Variants in ARHGEF12 observed in about 807,000 individuals in gnomAD.
The protein encoded by ARHGEF12 is KMT2A/ARHGEF12 fusion protein.
Under a neutral mutation model 211.2 loss-of-function variants are expected in ARHGEF12, and 66 were observed. The observed-to-expected ratio is 0.31, with a 90% CI of 0.26 to 0.38. ARHGEF12 has a LOEUF of 0.38. Ranked by LOEUF, ARHGEF12 falls within the 10% of genes least tolerant of loss-of-function variation. The probability of loss-of-function intolerance (pLI) is 1.00; values close to 1 mark genes in which losing one functional copy is unlikely to be tolerated. For missense variants in ARHGEF12, 1,429 were observed against 1,869.5 expected (o/e 0.76, Z 4.34); for synonymous variants, 592 against 638.4 (o/e 0.93, Z 1.09).
At position 120,441,766 on chromosome 11, in the gene ARHGEF12, T is replaced by C; in HGVS notation, c.1152T>C (p.His384=). The C allele has an allele frequency of 1.2e-6, 2 of 1,613,908 alleles. No individual in the cohort carries two copies. The highest frequency in any genetic ancestry group is 1.7e-6 in the Non-Finnish European group (2 of 1,179,828). ...AATTACTAAAATCTCGCCCGGCTCA[T>C]TTGGCTGTTTTCTTACACCATGTAG... ...SIELLKSRPA[H]LAVFLHHVVS... The change falls in exon 14 of 41, where the codon CAT becomes CAC. Residue 384 remains histidine, a synonymous_variant. Coordinates refer to ENST00000397843, the MANE Select transcript of ARHGEF12 (RefSeq NM_015313.3).
intron 22 of ARHGEF12, among the ~76,000 whole-genome samples, chr11:120,455,172 G>A (rs535387776): frequency 2.0e-4 from 30 of 152,162 alleles, no homozygotes; most frequent in Non-Finnish European, 3.5e-4. Context: ...TTCACAAAAA[G>A]TCAGCTGAGG....
chr11:120,353,769 G>T (rs117815506), intron 1 of ARHGEF12, among the ~76,000 whole-genome samples: 2 of 152,320 alleles, frequency 1.3e-5, no homozygotes, highest in African/African-American at 2.4e-5. Flanking sequence ...CTTTGTCCCA[G>T]ACTGCCCACA....
At chr11:120,426,067 A>C (rs947481929) in intron 7 of ARHGEF12, among the ~76,000 whole-genome samples, 1 of 152,206 alleles carries the variant, frequency 6.6e-6, no homozygotes, top group Non-Finnish European at 1.5e-5. Context: ...CAGTGCTCCA[A>C]ATGGTCACTT....
chr11:120,365,918 C>T (rs1372383559), intron 1 of ARHGEF12: 1 of 152,168 alleles, frequency 6.6e-6, no homozygotes, highest in Non-Finnish European at 1.5e-5. Context: ...AATGACCCTA[C>T]CAGCTAATTC....
intron 1 of ARHGEF12, among the ~76,000 whole-genome samples, chr11:120,348,099 T>A (rs1390137083): frequency 6.6e-6 from 1 of 152,212 alleles, no homozygotes; most frequent in African/African-American, 2.4e-5. Context: ...ATTATATTGC[T>A]AGTCTCATTT....
intron 22 of ARHGEF12, among the ~76,000 whole-genome samples, chr11:120,453,520 G>T (rs1946272633): frequency 6.6e-6 from 1 of 152,164 alleles, no homozygotes; most frequent in African/African-American, 2.4e-5. Flanking sequence ...AGAAATTCAG[G>T]ACCAGCCAGG....
chr11:120,441,891 T>C, intron 14 of ARHGEF12, 74 bp downstream of exon 14: 2 of 1,314,858 alleles, frequency 1.5e-6, no homozygotes, highest in Non-Finnish European at 2.2e-6. Flanking sequence ...TTCCTAGCTA[T>C]ACAACGAGTG....
At chr11:120,464,057 A>G (rs1946623044) in intron 27 of ARHGEF12, 1 of 152,334 alleles carries the variant, frequency 6.6e-6, no homozygotes, top group South Asian at 2.1e-4. Flanking sequence ...TGAGAAGTAT[A>G]ATTTTTAGCA....
intron 1 of ARHGEF12, among the ~76,000 whole-genome samples, chr11:120,357,642 T>G (rs573303269): frequency 2.8e-4 from 42 of 152,324 alleles, no homozygotes; most frequent in African/African-American, 9.9e-4. Flanking sequence ...TGATCTTGCC[T>G]CATTGCAACC....
intron 1 of ARHGEF12, among the ~76,000 whole-genome samples, chr11:120,403,009 TG>T (rs1944586417): frequency 6.6e-6 from 1 of 152,214 alleles, no homozygotes; most frequent in Non-Finnish European, 1.5e-5. Context: ...CATTATTTAT[TG>T]GGTAAGTGTT....
At chr11:120,460,934 T>C (rs537180940) in intron 27 of ARHGEF12, among the ~76,000 whole-genome samples, 177 bp downstream of exon 27, 2 of 152,216 alleles carry the variant, frequency 1.3e-5, no homozygotes, top group Non-Finnish European at 2.9e-5. Context: ...TGCTCATCTG[T>C]AAGAAGCAGA....
At chr11:120,472,283 G>C (rs1167481826) in intron 30 of ARHGEF12, among the ~76,000 whole-genome samples, 1 of 151,916 alleles carries the variant, frequency 6.6e-6, no homozygotes, top group Non-Finnish European at 1.5e-5. Context: ...ACAAAGACAA[G>C]CATACTTATA....
Position 120,477,478 on chromosome 11 carries a change from T to C in ARHGEF12, c.3484T>C (p.Leu1162=). The C allele has an allele frequency of 6.2e-7, 1 of 1,605,344 alleles. No individual in the cohort carries two copies. The highest frequency in any genetic ancestry group is 8.5e-7 in the Non-Finnish European group (1 of 1,175,548). Residue 1162 remains leucine (L), a synonymous_variant, in exon 36 of 41, where the codon TTA becomes CTA. Coordinates refer to ENST00000397843, the MANE Select transcript of ARHGEF12 (RefSeq NM_015313.3). ...GDNDEEDPSK[L]KEEQHGISVT... is the part of the protein sequence containing the mutation. ...TAATGATGAAGAAGATCCTTCAAAA[T>C]TAAAAGAGGAGCAGCATGGCATTTC... is the stretch of plus-strand genomic sequence containing the variant.
chr11:120,465,211 T>C (rs781125093), intron 27 of ARHGEF12, 26 bp from the exon 28 acceptor site: 35 of 1,613,370 alleles, frequency 2.2e-5, no homozygotes, highest in Non-Finnish European at 3.0e-5. Flanking sequence ...CCATTCTCTT[T>C]TGTGTTCTTT....
chr11:120,370,508 G>GT (rs1943559613), intron 1 of ARHGEF12, among the ~76,000 whole-genome samples: 1 of 151,844 alleles, frequency 6.6e-6, no homozygotes, highest in Non-Finnish European at 1.5e-5. Flanking sequence ...TCCCTTAAAA[G>GT]TTTTATTTTT....
At chr11:120,369,644 T>C (rs1225337660) in intron 1 of ARHGEF12, among the ~76,000 whole-genome samples, 1 of 152,242 alleles carries the variant, frequency 6.6e-6, no homozygotes, top group East Asian at 1.9e-4. Flanking sequence ...AGAATTTTTA[T>C]TCTTTAAGCT....
intron 22 of ARHGEF12, among the ~76,000 whole-genome samples, chr11:120,456,816 A>T (rs1166392977): frequency 3.3e-5 from 5 of 152,196 alleles, no homozygotes; most frequent in African/African-American, 4.8e-5. Context: ...CAAAGTAGCA[A>T]AACCCTATCT....
rs145836852 is a variant in ARHGEF12 at position 120,395,802 on chromosome 11, C to T, written c.33-10316C>T. On this transcript the variant is annotated intron_variant, in intron 1 of 40. Transcript: ENST00000397843. ...TTCAATTACCTCCCACCAGGTCCCT[C>T]CCACACATGGGAATTATGGGAGCTA... Among the ~76,000 whole-genome samples the T allele has an allele frequency of 2.6e-3, 397 of 152,194 alleles. 5 individuals carry two copies. The highest frequency in any genetic ancestry group is 0.02 in the Admixed American group (304 of 15,290).
rs190978259 is a variant in ARHGEF12, at chr11:120,446,008, G to A, written c.1346-395G>A. Reference sequence around the variant, plus strand: ...CGAGGTCAGGAGATCGACCATCCTGGCTAACACAGTGAAACCTTGTCTCTA... The same window carrying A: ...CGAGGTCAGGAGATCGACCATCCTGACTAACACAGTGAAACCTTGTCTCTA... On this transcript the variant is annotated intron_variant, in intron 16 of 40. Coordinates refer to ENST00000397843, the MANE Select transcript of ARHGEF12 (RefSeq NM_015313.3). Among the ~76,000 whole-genome samples the A allele has an allele frequency of 2.7e-3, 410 of 152,006 alleles. 7 individuals are homozygous for A. Among genetic ancestry groups the A allele is most frequent in the Admixed American group, 0.02 (303 of 15,254 alleles).
Sources: allele counts gnomAD v4.1 joint callset (sites outside exome capture counted in the v4.1 genomes callset), GRCh38; gene constraint gnomAD v4.1.1; transcripts MANE v1.5; gene names NCBI Gene and HGNC (gene_info 2026-07-23, HGNC 2026-07-21).